EXTL3: variants seen among roughly 807,000 people sequenced by gnomAD.
The protein encoded by EXTL3 is exostosin-like 3.
A neutral mutation model predicts 69.3 loss-of-function variants in EXTL3; 27 were observed. That is an observed-to-expected ratio of 0.39 (90% CI 0.29 to 0.54). EXTL3 has a LOEUF of 0.54. EXTL3 is among the 20% of genes least tolerant of loss of function. The pLI, the probability that EXTL3 is intolerant of heterozygous loss-of-function variation, is 0.69. For synonymous variants in EXTL3, 511 were observed against 499.4 expected (o/e 1.02, Z -0.31); for missense variants, 1,003 against 1,231.8 (o/e 0.81, Z 2.78).
intron 5 of EXTL3, chr8:28,740,949 A>G (rs1801765918): frequency 6.6e-6 from 1 of 151,960 alleles, no homozygotes; most frequent in African/African-American, 2.4e-5. Context: ...TCTAAATTAA[A>G]CTTTTTTTTT....
At chr8:28,727,286 G>C (rs1469586969) in intron 3 of EXTL3, among the ~76,000 whole-genome samples, 2 of 152,202 alleles carry the variant, frequency 1.3e-5, no homozygotes, top group African/African-American at 4.8e-5. Context: ...AGGGTGAGCA[G>C]AGATGGCAGG....
chr8:28,668,272 AAAAG>A (rs1245753063), intron 1 of EXTL3, among the ~76,000 whole-genome samples: 12 of 146,176 alleles, frequency 8.2e-5, no homozygotes, highest in African/African-American at 2.6e-4. Flanking sequence ...AAAAAAAAAA[AAAAG>A]AAAAGAAAAA....
intron 1 of EXTL3, among the ~76,000 whole-genome samples, chr8:28,657,589 G>T (rs1241942688): frequency 6.6e-6 from 1 of 152,042 alleles, no homozygotes; most frequent in Admixed American, 6.6e-5. Flanking sequence ...TGGACTACAT[G>T]GTTTGGTAAC....
chr8:28,660,085 G>A (rs909202872), intron 1 of EXTL3, among the ~76,000 whole-genome samples: 5 of 152,300 alleles, frequency 3.3e-5, no homozygotes, highest in Admixed American at 2.6e-4. Flanking sequence ...AAGTTGGGCC[G>A]GGTACAGCGG....
Position 28,750,702 on chromosome 8 carries a change from C to T in EXTL3, c.2596C>T (p.Leu866=). 1 of 1,614,214 alleles carries T rather than the reference C, an allele frequency of 6.2e-7. No homozygotes were observed. The highest frequency in any genetic ancestry group is 8.5e-7 in the Non-Finnish European group (1 of 1,180,046). ...CCGATGCCCAGGATGCCCTCAGGCC[C>T]TGTCTCATGATGACTCCCACTTCCA... ...TFRCPGCPQA[L]SHDDSHFHER... The change falls in exon 7 of 7, where the codon CTG becomes TTG. Residue 866 remains leucine (L), a synonymous_variant. Transcript: ENST00000220562. The surrounding 1 kb of genome is among the most constrained non-coding windows in gnomAD (Gnocchi z 5.2).
chr8:28,639,277 C>G (rs1440876003), intron 1 of EXTL3, among the ~76,000 whole-genome samples: 3 of 152,120 alleles, frequency 2.0e-5, no homozygotes, highest in African/African-American at 7.2e-5. Context: ...TCGGCTTAGT[C>G]ACCAAGTCCA....
chr8:28,678,044 C>T (rs1249116234), intron 1 of EXTL3: 1 of 152,262 alleles, frequency 6.6e-6, no homozygotes, highest in African/African-American at 2.4e-5. Flanking sequence ...AAACAGGCTT[C>T]TCATTTCTTT....
At chr8:28,613,624 G>T (rs115953850) in intron 2 of EXTL3, among the ~76,000 whole-genome samples, 1 of 152,158 alleles carries the variant, frequency 6.6e-6, no homozygotes, top group Non-Finnish European at 1.5e-5. Context: ...GGTGCTTTCT[G>T]TTTTGGAAGG....
At chr8:28,673,181 G>A (rs1305749475) in intron 1 of EXTL3, among the ~76,000 whole-genome samples, 3 of 152,194 alleles carry the variant, frequency 2.0e-5, no homozygotes, top group Non-Finnish European at 4.4e-5. Context: ...CTGTATAGAT[G>A]ACACTCTTCC....
chr8:28,717,049 A>G lies in EXTL3; in HGVS notation c.990A>G (p.Glu330=), dbSNP rs1342323636. 5 of 1,614,094 alleles carry G rather than the reference A, an allele frequency of 3.1e-6. No individual in the cohort carries two copies. The Admixed American group carries it at 8.3e-5, about 27-fold the overall frequency. The change falls in exon 3 of 7, where the codon GAA becomes GAG. Residue 330 remains glutamate, a synonymous_variant. Transcript: ENST00000220562. This position sits in a 1 kb window ranked among gnomAD's most constrained non-coding sequence, Gnocchi z 8.3. ...CCATGTCTGAGCCCAACTTCATGGAAATCCCACCACAGGTGCCGGTGAAGC... is the reference window on the plus strand; with the variant it reads ...CCATGTCTGAGCCCAACTTCATGGAGATCCCACCACAGGTGCCGGTGAAGC... The part of the protein sequence containing the change: ...VHAMSEPNFM[E]IPPQVPVKRK...
intron 1 of EXTL3, among the ~76,000 whole-genome samples, chr8:28,681,676 T>C (rs1421899068): frequency 6.6e-6 from 1 of 152,214 alleles, no homozygotes; most frequent in Non-Finnish European, 1.5e-5. Context: ...GTGCGATTGC[T>C]GGGTCATATG....
chr8:28,639,462 C>T (rs1806709188), intron 1 of EXTL3, among the ~76,000 whole-genome samples: 1 of 152,182 alleles, frequency 6.6e-6, no homozygotes, highest in South Asian at 2.1e-4. Flanking sequence ...TAAATCTGGT[C>T]CCATCCCTTC....
intron 1 of EXTL3, among the ~76,000 whole-genome samples, chr8:28,702,850 G>A (rs925897251): frequency 4.6e-5 from 7 of 152,138 alleles, no homozygotes; most frequent in Non-Finnish European, 8.8e-5. Flanking sequence ...GTGTGTTGCA[G>A]CCATGCAGAC....
At chr8:28,641,403 G>A (rs541824393) in intron 1 of EXTL3, among the ~76,000 whole-genome samples, 25 of 152,324 alleles carry the variant, frequency 1.6e-4, no homozygotes, top group African/African-American at 6.0e-4. Context: ...GGAAAAGACC[G>A]AGCAAGAGTA....
chr8:28,704,189 C>G (rs1800870650), intron 1 of EXTL3, among the ~76,000 whole-genome samples: 1 of 152,166 alleles, frequency 6.6e-6, no homozygotes, highest in Admixed American at 6.5e-5. Flanking sequence ...ACTTCCCTCT[C>G]CCACAGTTAG....
At chr8:28,722,110 A>C (rs981811146) in intron 3 of EXTL3, among the ~76,000 whole-genome samples, 9 of 152,182 alleles carry the variant, frequency 5.9e-5, no homozygotes, top group Non-Finnish European at 1.2e-4. Context: ...AGAGGAGGCC[A>C]TGTAAATTCT....
chr8:28,695,893 A>C (rs886227700), intron 1 of EXTL3, among the ~76,000 whole-genome samples: 1 of 152,146 alleles, frequency 6.6e-6, no homozygotes, highest in Non-Finnish European at 1.5e-5. Flanking sequence ...GGGAGATTAA[A>C]GGTGTCTTAC....
Position 28,636,014 on chromosome 8 carries a change from C to A in EXTL3, c.-53+13204C>A, listed in dbSNP as rs1409901064. Among the ~76,000 whole-genome samples the A allele has an allele frequency of 2.0e-5, 3 of 151,908 alleles. No individual in the cohort carries two copies. In the East Asian group the frequency reaches 5.8e-4, roughly 29 times the overall value. On this transcript the variant is annotated intron_variant, in intron 1 of 6. Coordinates refer to the EXTL3 transcript ENST00000523149. The stretch of plus-strand genomic sequence containing the variant: ...GCATTACAGGCATGAGTCACTGCCC[C>A]CGGCCGAGGATAGAATTTGAAAAAT...
chr8:28,633,636 AAATAAT>A (rs997021637), intron 1 of EXTL3, among the ~76,000 whole-genome samples: 35 of 152,206 alleles, frequency 2.3e-4, no homozygotes, highest in South Asian at 8.3e-4. Flanking sequence ...TCTGTTTCAA[AAATAAT>A]AATAATAATA....
Sources: gnomAD v4.1 joint callset for allele counts (sites outside exome capture counted in the v4.1 genomes callset) on GRCh38, gnomAD v4.1.1 for gene constraint, Gnocchi (gnomAD v3.1) non-coding constraint, MANE v1.5 for transcripts, NCBI Gene and HGNC (gene_info 2026-07-23, HGNC 2026-07-21) for gene names.